The following C13orf42 variants were observed in gnomAD, a reference collection of about 807,000 sequenced individuals.
C13orf42 encodes uncharacterized protein C13orf42.
At chr13:51,138,419 G>A (rs1593548385) in intron 1 of C13orf42, among the ~76,000 whole-genome samples, 1 of 152,078 alleles carries the variant, frequency 6.6e-6, no homozygotes, top group East Asian at 1.9e-4. Context: ...AAAGAACCTG[G>A]ATAGACATTA....
intron 1 of C13orf42, among the ~76,000 whole-genome samples, chr13:51,163,111 G>A (rs902567891): frequency 6.6e-6 from 1 of 152,078 alleles, no homozygotes; most frequent in Non-Finnish European, 1.5e-5. Context: ...CAAACCCCTT[G>A]AGGTTGAGGA....
At chr13:51,148,086 G>A (rs897728162) in intron 1 of C13orf42, among the ~76,000 whole-genome samples, 1 of 152,182 alleles carries the variant, frequency 6.6e-6, no homozygotes, top group Non-Finnish European at 1.5e-5. Context: ...ACTGGATGAC[G>A]CTTTGCATCT....
At position 51,082,269 on chromosome 13, in the gene C13orf42, C is replaced by T. The variant is rs942755070; in HGVS notation, c.*1882G>A. 3 of 152,158 alleles carry T rather than the reference C, an allele frequency of 2.0e-5. No homozygotes were observed. Among genetic ancestry groups the T allele is most frequent in the Non-Finnish European group, 4.4e-5 (3 of 68,034 alleles). 9.4% of individuals were successfully genotyped at this position (152,158 alleles called of 1,614,324 possible). A position where few individuals can be genotyped will look rare whatever the true frequency, so the allele number is the denominator to read the frequency against. ...AAATGATCCCCAAAGACAAGACAAC[C>T]TTCTGTTTCCCAATCATGGAATTTT... On this transcript the variant is annotated 3_prime_UTR_variant, in exon 4 of 4. Transcript: ENST00000563710.
chr13:51,110,028 C>T (rs2138002402), intron 1 of C13orf42, among the ~76,000 whole-genome samples: 1 of 151,838 alleles, frequency 6.6e-6, no homozygotes, highest in Admixed American at 6.5e-5. Flanking sequence ...GTCTGGAGAC[C>T]TCCAGTGCCC....
At chr13:51,147,414 G>T (rs1414918932) in intron 1 of C13orf42, among the ~76,000 whole-genome samples, 1 of 148,864 alleles carries the variant, frequency 6.7e-6, no homozygotes, top group Non-Finnish European at 1.5e-5. Flanking sequence ...GATCCTCCAG[G>T]GCTCTGTGGA....
At chr13:51,146,798 A>C (rs1374339797) in intron 1 of C13orf42, among the ~76,000 whole-genome samples, 1 of 152,208 alleles carries the variant, frequency 6.6e-6, no homozygotes, top group African/African-American at 2.4e-5. Flanking sequence ...GTTTGCCCTA[A>C]GCAGTTCCCA....
intron 1 of C13orf42, among the ~76,000 whole-genome samples, chr13:51,143,109 G>A (rs1953708183): frequency 6.6e-6 from 1 of 152,094 alleles, no homozygotes; most frequent in African/African-American, 2.4e-5. Flanking sequence ...TTGAGTTACA[G>A]AGCTTTTAAC....
chr13:51,170,479 T>TA (rs1953939693), intron 1 of C13orf42, among the ~76,000 whole-genome samples: 1 of 152,154 alleles, frequency 6.6e-6, no homozygotes, highest in African/African-American at 2.4e-5. Context: ...GGCCTCTTTT[T>TA]ACTCTCTTCT....
At chr13:51,114,614 TGATAGATA>T (rs36090660), upstream of C13orf42, among the ~76,000 whole-genome samples, 8 of 136,712 alleles carry the variant, frequency 5.9e-5, no homozygotes, top group African/African-American at 8.9e-5. Context: ...TACAGATAGA[TGATAGATA>T]GATAGATAGA....
chr13:51,091,051 C>T (rs1028070384), intron 1 of C13orf42, among the ~76,000 whole-genome samples: 1 of 152,170 alleles, frequency 6.6e-6, no homozygotes, highest in Non-Finnish European at 1.5e-5. Flanking sequence ...ACTTGTGTCA[C>T]TTTCCCACAC....
chr13:51,125,531 A>G (rs1953569771), intron 1 of C13orf42, among the ~76,000 whole-genome samples: 1 of 152,064 alleles, frequency 6.6e-6, no homozygotes, highest in South Asian at 2.1e-4. Flanking sequence ...GAAGCCACAC[A>G]CCTCTCTAAC....
At chr13:51,147,576 AAAATTAGCCGGGCATG>A (rs1953746131) in intron 1 of C13orf42, among the ~76,000 whole-genome samples, 2 of 152,130 alleles carry the variant, frequency 1.3e-5, no homozygotes, top group South Asian at 4.1e-4. Flanking sequence ...CAAAAACACA[AAAATTAGCCGGGCATG>A]ATGGCGGGTG....
At chr13:51,155,903 T>C (rs1953821196) in intron 1 of C13orf42, among the ~76,000 whole-genome samples, 1 of 152,100 alleles carries the variant, frequency 6.6e-6, no homozygotes, top group Non-Finnish European at 1.5e-5. Context: ...CAGATGGGAA[T>C]GGGGTTGGAG....
intron 1 of C13orf42, among the ~76,000 whole-genome samples, chr13:51,094,920 T>A (rs1463960976): frequency 6.6e-6 from 1 of 152,150 alleles, no homozygotes; most frequent in Non-Finnish European, 1.5e-5. Context: ...TGGGGGTGTG[T>A]CTTTCCCGTG....
chr13:51,164,340 T>A (rs908814674), intron 1 of C13orf42, among the ~76,000 whole-genome samples: 5 of 152,166 alleles, frequency 3.3e-5, no homozygotes, highest in African/African-American at 1.2e-4. Flanking sequence ...ATGTTCAAAG[T>A]CTTTTTACTG....
intron 2 of C13orf42, among the ~76,000 whole-genome samples, chr13:51,086,492 G>C (rs931468647): frequency 1.4e-5 from 2 of 147,206 alleles, no homozygotes; most frequent in African/African-American, 2.7e-5. Context: ...GTGTGTAAGA[G>C]AGTGTGTGTG....
chr13:51,161,679 T>C, intron 1 of C13orf42: 1 of 192,156 alleles, frequency 5.2e-6, no homozygotes, highest in Non-Finnish European at 1.1e-5. Context: ...CAATAAAGGT[T>C]CTTGCCTTGC....
chr13:51,159,992 T>A (rs1953852176), intron 1 of C13orf42, among the ~76,000 whole-genome samples: 1 of 152,142 alleles, frequency 6.6e-6, no homozygotes, highest in African/African-American at 2.4e-5. Flanking sequence ...AAACCCCTGA[T>A]AAACCCATCA....
At chr13:51,171,968 C>T (rs1953957360) in intron 1 of C13orf42, 1 of 152,160 alleles carries the variant, frequency 6.6e-6, no homozygotes, top group African/African-American at 2.4e-5. Context: ...AACCCCACAA[C>T]AGGATTTAAT....
Sources: gnomAD v4.1 joint callset for allele counts (sites outside exome capture counted in the v4.1 genomes callset) on GRCh38, gnomAD v4.1.1 for gene constraint, MANE v1.5 for transcripts, NCBI Gene and HGNC (gene_info 2026-07-23, HGNC 2026-07-21) for gene names.